Variants in MDGA2 observed in about 807,000 individuals in gnomAD.
MDGA2 encodes the protein MAM domain containing glycosylphosphatidylinositol anchor 2.
Under a neutral mutation model 117.8 loss-of-function variants are expected in MDGA2, and 40 were observed. The ratio of observed to expected loss-of-function variants is 0.34; its 90% CI spans 0.26 to 0.44. The LOEUF is 0.44. MDGA2 is among the 20% of genes least tolerant of loss of function. The probability of loss-of-function intolerance (pLI) is 1.00; values close to 1 mark genes in which losing one functional copy is unlikely to be tolerated. For synonymous variants in MDGA2, 452 were observed against 439.0 expected (o/e 1.03, Z -0.37); for missense variants, 1,123 against 1,250.6 (o/e 0.90, Z 1.54).
intron 8 of MDGA2, among the ~76,000 whole-genome samples, chr14:46,999,317 G>A (rs993745784): frequency 6.6e-6 from 1 of 151,776 alleles, no homozygotes; most frequent in African/African-American, 2.4e-5. Context: ...CAATTCTTGA[G>A]ATCATAAGCA....
At chr14:47,311,521 C>T (rs1386795190) in intron 1 of MDGA2, among the ~76,000 whole-genome samples, 1 of 152,052 alleles carries the variant, frequency 6.6e-6, no homozygotes, top group Non-Finnish European at 1.5e-5. Context: ...TCCCAGGAGA[C>T]AGAGATCAGT....
At chr14:47,606,641 C>T (rs1478903447) in intron 1 of MDGA2, among the ~76,000 whole-genome samples, 1 of 152,036 alleles carries the variant, frequency 6.6e-6, no homozygotes, top group Non-Finnish European at 1.5e-5. Flanking sequence ...GCAGATCCAC[C>T]ATATTACTTT....
At chr14:47,123,740 A>C (rs1196510664) in intron 5 of MDGA2, among the ~76,000 whole-genome samples, 1 of 152,114 alleles carries the variant, frequency 6.6e-6, no homozygotes, top group Admixed American at 6.6e-5. Flanking sequence ...AGTCATCCAT[A>C]AAATGATCAT....
At chr14:46,890,637 G>C (rs998798509) in intron 10 of MDGA2, among the ~76,000 whole-genome samples, 8 of 152,014 alleles carry the variant, frequency 5.3e-5, no homozygotes, top group African/African-American at 1.9e-4. Flanking sequence ...ACCTATCTTA[G>C]TGAGCCACTG....
intron 1 of MDGA2, among the ~76,000 whole-genome samples, chr14:47,592,340 C>T (rs1454352121): frequency 1.3e-5 from 2 of 152,068 alleles, no homozygotes; most frequent in East Asian, 1.9e-4. Context: ...ACATTCGATG[C>T]TATTCCCATT....
chr14:47,191,711 G>A (rs188441213), intron 3 of MDGA2, among the ~76,000 whole-genome samples: 6 of 151,766 alleles, frequency 4.0e-5, no homozygotes, highest in African/African-American at 9.7e-5. Context: ...TTTTTTCATC[G>A]GCTGGCCAAT....
chr14:47,099,460 ATTT>A (rs1880172988), intron 5 of MDGA2, among the ~76,000 whole-genome samples: 1 of 151,934 alleles, frequency 6.6e-6, no homozygotes, highest in Non-Finnish European at 1.5e-5. Flanking sequence ...TCATTTGCTA[ATTT>A]GGGGGTATAC....
At chr14:46,949,234 C>T (rs1039319108) in intron 9 of MDGA2, among the ~76,000 whole-genome samples, 1 of 152,024 alleles carries the variant, frequency 6.6e-6, no homozygotes. Flanking sequence ...ACTTTCTTTA[C>T]ATACTGACCA....
intron 1 of MDGA2, among the ~76,000 whole-genome samples, chr14:47,414,543 T>C (rs4900759): frequency 0.2 from 30,737 of 152,016 alleles, 3,612 homozygotes; most frequent in East Asian, 0.54. Context: ...AAAAGGGAAA[T>C]AGTATGAGAT....
At position 47,402,327 on chromosome 14, in the gene MDGA2, G is replaced by T. The variant is rs1023963995; in HGVS notation, c.281-100777C>A. On this transcript the variant is annotated intron_variant, in intron 1 of 16. Transcript: ENST00000399232. ...GGTGTATGCTAGGGTAGAAACCCCA[G>T]AAACCCCCGCCCCCCCACCCCGCAA... Among the ~76,000 whole-genome samples the T allele has an allele frequency of 4.1e-4, 5 of 12,312 alleles. No homozygotes were observed. The Admixed American group carries it at 5.2e-3, about 13-fold the overall frequency. The allele number at this position is 12,312 out of a possible 152,430, so 8.1% of individuals were successfully genotyped here.
At chr14:47,058,456 C>A (rs1889762555) in intron 7 of MDGA2, 1 of 895,976 alleles carries the variant, frequency 1.1e-6, no homozygotes, top group South Asian at 5.1e-5. Context: ...CTTTGACTCA[C>A]TCATCCCATT....
chr14:47,087,134 T>C (rs1368893166), intron 6 of MDGA2, among the ~76,000 whole-genome samples: 1 of 152,216 alleles, frequency 6.6e-6, no homozygotes, highest in Non-Finnish European at 1.5e-5. Flanking sequence ...TCAATAATTA[T>C]ATGTTAATAC....
At chr14:47,381,005 A>G (rs939413094) in intron 1 of MDGA2, among the ~76,000 whole-genome samples, 1 of 152,204 alleles carries the variant, frequency 6.6e-6, no homozygotes, top group African/African-American at 2.4e-5. Context: ...CAAAAAGCTT[A>G]TCCACTACGA....
chr14:46,918,760 C>CTTTTTTTTTTTTTT lies in MDGA2; in HGVS notation c.2238+1238_2238+1251dup, dbSNP rs34958634. 4.5e-4 allele frequency among the ~76,000 whole-genome samples: 56 copies of CTTTTTTTTTTTTTT among 124,752 alleles called. 1 individual carries two copies. Among genetic ancestry groups the CTTTTTTTTTTTTTT allele is most frequent in the African/African-American group, 1.6e-3 (48 of 29,828 alleles). 81.8% of individuals were successfully genotyped at this position (124,752 alleles called of 152,430 possible). On this transcript the variant is annotated intron_variant, in intron 10 of 16. Coordinates refer to ENST00000399232, the MANE Select transcript of MDGA2 (RefSeq NM_001113498.3). ...TAAGAATATGCTACATACAGTGTAT[C>CTTTTTTTTTTTTTT]TTTTTTTTTTTTTTTTTGGAATCGG...
intron 1 of MDGA2, among the ~76,000 whole-genome samples, chr14:47,502,083 A>G (rs1240909290): frequency 1.3e-5 from 2 of 152,180 alleles, no homozygotes; most frequent in Non-Finnish European, 2.9e-5. Context: ...TGCTATATTA[A>G]TTTATAAGTT....
intron 1 of MDGA2, among the ~76,000 whole-genome samples, chr14:47,544,550 G>A (rs1431670430): frequency 1.3e-5 from 2 of 152,060 alleles, no homozygotes; most frequent in African/African-American, 4.8e-5. Flanking sequence ...TATGCTGTTT[G>A]TTTTTTTGTG....
chr14:47,663,515 T>C (rs979507809), intron 1 of MDGA2, among the ~76,000 whole-genome samples: 8 of 152,216 alleles, frequency 5.3e-5, no homozygotes, highest in Admixed American at 2.0e-4. Flanking sequence ...CCTCCAAAAA[T>C]AGAAAGTGTT....
chr14:47,089,148 A>G (rs925677792), intron 6 of MDGA2, among the ~76,000 whole-genome samples: 1 of 152,118 alleles, frequency 6.6e-6, no homozygotes. Context: ...TCCCTAGTAC[A>G]TCTTTGGCAA....
intron 1 of MDGA2, among the ~76,000 whole-genome samples, chr14:47,604,348 G>T (rs1420074036): frequency 1.3e-5 from 2 of 151,508 alleles, no homozygotes; most frequent in East Asian, 1.9e-4. Context: ...ATGGGGTCTT[G>T]CTCTGTCACC....
Sources: gnomAD v4.1 joint callset for allele counts (sites outside exome capture counted in the v4.1 genomes callset) on GRCh38, gnomAD v4.1.1 for gene constraint, MANE v1.5 for transcripts, NCBI Gene and HGNC (gene_info 2026-07-23, HGNC 2026-07-21) for gene names.